The following GABBR2 variants were observed in gnomAD, a reference collection of about 807,000 sequenced individuals.
GABBR2 encodes G-protein coupled receptor 51.
GABBR2 carries 23 observed loss-of-function variants against 105.6 expected under a neutral mutation model. The observed-to-expected ratio is 0.22, with a 90% CI of 0.16 to 0.31. GABBR2 has a LOEUF of 0.31. GABBR2 is among the 10% of genes least tolerant of loss of function. The pLI is 1.00. For missense variants in GABBR2, 734 were observed against 1,245.5 expected (o/e 0.59, Z 6.18); for synonymous variants, 478 against 499.7 (o/e 0.96, Z 0.58).
chr9:98,371,718 C>T (rs192082436), intron 11 of GABBR2, 147 bp from the exon 12 acceptor site: 2 of 611,586 alleles, frequency 3.3e-6, no homozygotes, highest in African/African-American at 1.8e-5. Context: ...ATCTTTCAAT[C>T]AAATTTCCAT....
chr9:98,504,370 G>C (rs1263654833), intron 3 of GABBR2, among the ~76,000 whole-genome samples: 3 of 152,204 alleles, frequency 2.0e-5, no homozygotes, highest in Non-Finnish European at 4.4e-5. Context: ...GAGAGCTCCA[G>C]AGATCTCAAG....
At chr9:98,326,876 C>T (rs774469272) in intron 13 of GABBR2, among the ~76,000 whole-genome samples, 8 of 152,216 alleles carry the variant, frequency 5.3e-5, no homozygotes, top group African/African-American at 1.4e-4. Flanking sequence ...ATTATTTCCT[C>T]TTTGTACTAT....
chr9:98,309,428 C>T (rs1830602777), intron 14 of GABBR2, among the ~76,000 whole-genome samples: 1 of 152,210 alleles, frequency 6.6e-6, no homozygotes, highest in South Asian at 2.1e-4. Context: ...TCTATTCAAC[C>T]AGGGTCAGGG....
intron 13 of GABBR2, among the ~76,000 whole-genome samples, chr9:98,362,023 T>C (rs919571907): frequency 2.6e-5 from 4 of 152,202 alleles, no homozygotes; most frequent in African/African-American, 9.7e-5. Flanking sequence ...ATTCTTATTT[T>C]CTTAGAGTTT....
chr9:98,508,443 C>T (rs983034901), intron 3 of GABBR2, among the ~76,000 whole-genome samples: 4 of 152,216 alleles, frequency 2.6e-5, no homozygotes, highest in South Asian at 2.1e-4. Context: ...GCGCACCGTG[C>T]GCGAGCCAAA....
intron 1 of GABBR2, among the ~76,000 whole-genome samples, chr9:98,612,907 C>G (rs541699684): frequency 1.5e-4 from 23 of 152,154 alleles, no homozygotes; most frequent in Middle Eastern, 3.2e-3. Context: ...GTCAAGCTCA[C>G]TATTTGAAGC....
rs142735341 is a variant in GABBR2 at position 98,331,396 on chromosome 9, CTTTTTTTTTTTT to C, written c.1894-20203_1894-20192del. Among the ~76,000 whole-genome samples, 22 of 75,992 alleles carry C rather than the reference CTTTTTTTTTTTT, an allele frequency of 2.9e-4. 1 individual carries two copies. In the East Asian group the frequency reaches 8.1e-3, roughly 28 times the overall value. 49.9% of individuals were successfully genotyped at this position (75,992 alleles called of 152,430 possible). A position where few individuals can be genotyped will look rare whatever the true frequency, so the allele number is the denominator to read the frequency against. On this transcript the variant is annotated intron_variant, in intron 13 of 18. Coordinates refer to ENST00000259455, the MANE Select transcript of GABBR2 (RefSeq NM_005458.8). ...AAGACTTGGGGGAAAAGTCCCTCTT[CTTTTTTTTTTTT>C]TTTTTTTTTTTTTGTGAAACATTTC...
chr9:98,636,886 C>T (rs1233312960), intron 1 of GABBR2, among the ~76,000 whole-genome samples: 2 of 152,180 alleles, frequency 1.3e-5, no homozygotes, highest in East Asian at 1.9e-4. Context: ...CCAAATACCT[C>T]ACTCCGAATT....
chr9:98,660,775 T>C (rs1830248624), intron 1 of GABBR2, among the ~76,000 whole-genome samples: 1 of 152,196 alleles, frequency 6.6e-6, no homozygotes, highest in African/African-American at 2.4e-5. Context: ...CCCCTTTCTT[T>C]CCTCACTCAA....
intron 1 of GABBR2, among the ~76,000 whole-genome samples, chr9:98,617,732 T>G (rs931246601): frequency 6.6e-6 from 1 of 152,156 alleles, no homozygotes; most frequent in Non-Finnish European, 1.5e-5. Flanking sequence ...AGGCCATTTG[T>G]TGGCACACAA....
intron 7 of GABBR2, among the ~76,000 whole-genome samples, chr9:98,416,092 C>T (rs4743220): frequency 0.34 from 52,320 of 151,862 alleles, 9,735 homozygotes; most frequent in East Asian, 0.69. Context: ...TGCCAATTTC[C>T]GTGGTGTAAA....
At chr9:98,292,922 T>C (rs73490764) in intron 18 of GABBR2, among the ~76,000 whole-genome samples, 14,594 of 152,230 alleles carry the variant, frequency 0.096, 2,353 homozygotes, top group African/African-American at 0.34. Flanking sequence ...AGGCAACTGC[T>C]AGGCAAACTG....
intron 1 of GABBR2, among the ~76,000 whole-genome samples, chr9:98,583,777 T>G (rs769973171): frequency 1.4e-4 from 22 of 152,232 alleles, no homozygotes; most frequent in Non-Finnish European, 2.6e-4. Flanking sequence ...TTTCACAGGA[T>G]CTGTCCTTCC....
chr9:98,376,793 CA>C (rs1294034817), intron 11 of GABBR2, among the ~76,000 whole-genome samples: 1 of 152,108 alleles, frequency 6.6e-6, no homozygotes, highest in Admixed American at 6.5e-5. Context: ...GGGAACGGTG[CA>C]GGGGGCAAAG....
chr9:98,400,196 T>TAAAAAAAAAAAAAAAAAAAA (rs1300092978), intron 8 of GABBR2, among the ~76,000 whole-genome samples: 1 of 132,312 alleles, frequency 7.6e-6, no homozygotes, highest in Non-Finnish European at 1.6e-5. Flanking sequence ...TTTTTTTTTT[T>TAAAAAAAAAAAAAAAAAAAA]AAAAAAAAAA....
At chr9:98,630,764 G>C (rs985427404) in intron 1 of GABBR2, among the ~76,000 whole-genome samples, 2 of 152,162 alleles carry the variant, frequency 1.3e-5, no homozygotes, top group South Asian at 4.1e-4. Flanking sequence ...AATGAAAAAG[G>C]AGAGTTGAAT....
chr9:98,464,116 C>T (rs1049624046), intron 6 of GABBR2, among the ~76,000 whole-genome samples: 23 of 150,346 alleles, frequency 1.5e-4, no homozygotes, highest in Admixed American at 1.3e-3. Context: ...TGTGAGGAGC[C>T]CCTCTGCCCG....
intron 1 of GABBR2, among the ~76,000 whole-genome samples, chr9:98,678,073 T>C (rs576063532): frequency 6.6e-6 from 1 of 152,338 alleles, no homozygotes; most frequent in African/African-American, 2.4e-5. Flanking sequence ...TGTTCATTGA[T>C]GTACCCTCCC....
At chr9:98,425,311 A>C (rs563258996) in intron 7 of GABBR2, among the ~76,000 whole-genome samples, 2 of 152,302 alleles carry the variant, frequency 1.3e-5, no homozygotes, top group African/African-American at 2.4e-5. Flanking sequence ...GACTGAAAGC[A>C]ACTAAATTCT....
Sources: allele counts gnomAD v4.1 joint callset (sites outside exome capture counted in the v4.1 genomes callset), GRCh38; gene constraint gnomAD v4.1.1; transcripts MANE v1.5; gene names NCBI Gene and HGNC (gene_info 2026-07-23, HGNC 2026-07-21).